The following RCAN1 variants were observed in gnomAD, a reference collection of about 807,000 sequenced individuals.
RCAN1 encodes the protein regulator of calcineurin 1, also known as calcipressin-1.
In RCAN1, 11 loss-of-function variants were observed where a neutral mutation model predicts 22.9. The observed-to-expected ratio is 0.48, with a 90% confidence interval of 0.30 to 0.79. The LOEUF (loss-of-function observed/expected upper bound fraction) is 0.79, where lower values mean the gene tolerates loss of function less well. Ranked by LOEUF, RCAN1 falls within the 30% of genes least tolerant of loss-of-function variation. RCAN1 has a pLI of 0.06. For missense variants in RCAN1, 291 were observed against 337.8 expected, an observed-to-expected ratio of 0.86 and a Z score of 1.09; for synonymous variants, 136 against 142.3, an observed-to-expected ratio of 0.96 and a Z score of 0.32.
At chr21:34,573,657 T>C (rs1166276799) in intron 1 of RCAN1, among the ~76,000 whole-genome samples, 2 of 152,204 alleles carry the variant, frequency 1.3e-5, no homozygotes, top group Non-Finnish European at 1.5e-5. Context: ...TGACTCGAGT[T>C]CACTGCTCCC....
At chr21:34,548,785 G>A (rs958312195) in intron 1 of RCAN1, among the ~76,000 whole-genome samples, 10 of 152,114 alleles carry the variant, frequency 6.6e-5, no homozygotes, top group Admixed American at 1.3e-4. Context: ...AAAATATGCC[G>A]GCAAAGGAAT....
chr21:34,578,887 C>T (rs1473073619), intron 1 of RCAN1, among the ~76,000 whole-genome samples: 2 of 152,014 alleles, frequency 1.3e-5, no homozygotes, highest in Non-Finnish European at 2.9e-5. Context: ...TTTCCCATCC[C>T]GACTCCAACA....
At chr21:34,556,344 T>G (rs1986571465) in intron 1 of RCAN1, among the ~76,000 whole-genome samples, 1 of 150,580 alleles carries the variant, frequency 6.6e-6, no homozygotes, top group Non-Finnish European at 1.5e-5. Flanking sequence ...GAGAATCGCT[T>G]GAGCCCAGGA....
intron 3 of RCAN1, among the ~76,000 whole-genome samples, chr21:34,520,003 A>G (rs1341532239): frequency 6.6e-6 from 1 of 152,140 alleles, no homozygotes; most frequent in Non-Finnish European, 1.5e-5. Context: ...CCTCTTACAA[A>G]TCTACCTCTT....
intron 1 of RCAN1, among the ~76,000 whole-genome samples, chr21:34,612,266 G>C (rs1398330275): frequency 1.3e-5 from 2 of 152,134 alleles, no homozygotes; most frequent in East Asian, 3.8e-4. Flanking sequence ...GGCCCCAGGG[G>C]GATGTTTTCT....
chr21:34,535,430 G>A (rs954234510), intron 1 of RCAN1, among the ~76,000 whole-genome samples: 3 of 151,138 alleles, frequency 2.0e-5, no homozygotes, highest in East Asian at 3.9e-4. Flanking sequence ...CTTTGAAGGT[G>A]TTAACCAGAA....
chr21:34,538,528 C>T (rs557063135), intron 1 of RCAN1, among the ~76,000 whole-genome samples: 27 of 152,292 alleles, frequency 1.8e-4, no homozygotes, highest in Admixed American at 1.6e-3. Context: ...GTACTGGCCG[C>T]TTCCAGACTC....
chr21:34,566,076 G>C (rs759556378), intron 1 of RCAN1, among the ~76,000 whole-genome samples: 2 of 152,208 alleles, frequency 1.3e-5, no homozygotes, highest in African/African-American at 4.8e-5. Context: ...CTAAGGGAAA[G>C]GGGCACTATT....
chr21:34,588,488 A>G (rs1329150134), intron 1 of RCAN1, among the ~76,000 whole-genome samples: 1 of 152,246 alleles, frequency 6.6e-6, no homozygotes, highest in African/African-American at 2.4e-5. Flanking sequence ...TATTGATTAT[A>G]CCTCATAGCC....
chr21:34,533,111 C>T (rs1050866735), intron 1 of RCAN1, among the ~76,000 whole-genome samples: 1 of 151,768 alleles, frequency 6.6e-6, no homozygotes, highest in Non-Finnish European at 1.5e-5. Context: ...CAGGTGCCCG[C>T]CACCACGCCC....
chr21:34,614,430 G>A lies in RCAN1; in HGVS notation c.252+330C>T. 9.9e-7 allele frequency: 1 copy of A among 1,005,746 alleles called. No homozygotes were observed. Among genetic ancestry groups the A allele is most frequent in the Non-Finnish European group, 1.2e-6 (1 of 843,570 alleles). 62.3% of individuals were successfully genotyped at this position (1,005,746 alleles called of 1,614,324 possible). Reference sequence around the variant, plus strand: ...CTCCAGCGAGTAAATGCGGGGCGATGGCGAGAGCGCAGGGGGCGGCGGCGC... The same window carrying A: ...CTCCAGCGAGTAAATGCGGGGCGATAGCGAGAGCGCAGGGGGCGGCGGCGC... On this transcript the variant is annotated intron_variant, in intron 1 of 3. Coordinates refer to ENST00000313806, the MANE Select transcript of RCAN1 (RefSeq NM_004414.7). The surrounding 1 kb of genome is among the most constrained non-coding windows in gnomAD (Gnocchi z 6.0).
At chr21:34,548,443 A>G (rs1404192269) in intron 1 of RCAN1, among the ~76,000 whole-genome samples, 2 of 152,218 alleles carry the variant, frequency 1.3e-5, no homozygotes, top group Non-Finnish European at 2.9e-5. Flanking sequence ...AAAGCTCTTC[A>G]GTGTCCTCTC....
chr21:34,586,651 A>G (rs2123705340), intron 1 of RCAN1, among the ~76,000 whole-genome samples: 1 of 152,326 alleles, frequency 6.6e-6, no homozygotes, highest in South Asian at 2.1e-4. Flanking sequence ...CAAGAGATTA[A>G]AGAAAGTAGA....
rs534224841 is a variant in RCAN1 at position 34,601,638 on chromosome 21, G to GA, written c.252+13121dup. 2.0e-4 allele frequency among the ~76,000 whole-genome samples: 30 copies of GA among 152,214 alleles called. No individual in the cohort carries two copies. In the South Asian group the frequency reaches 5.6e-3, roughly 28 times the overall value. ...TCGAGATCATCTTGGCTAACACGGTGAAACCCCATCTCTACTAAAAATACA... is the reference window on the plus strand; with the variant it reads ...TCGAGATCATCTTGGCTAACACGGTGAAAACCCCATCTCTACTAAAAATACA... On this transcript the variant is annotated intron_variant, in intron 1 of 3. Coordinates refer to ENST00000313806, the MANE Select transcript of RCAN1 (RefSeq NM_004414.7).
At chr21:34,578,637 G>A (rs1009706417) in intron 1 of RCAN1, among the ~76,000 whole-genome samples, 1 of 152,182 alleles carries the variant, frequency 6.6e-6, no homozygotes, top group Non-Finnish European at 1.5e-5. Context: ...ACCTGCCCAG[G>A]GAGGAAGAGA....
At chr21:34,573,085 A>C (rs913034720) in intron 1 of RCAN1, among the ~76,000 whole-genome samples, 1 of 152,192 alleles carries the variant, frequency 6.6e-6, no homozygotes, top group African/African-American at 2.4e-5. Context: ...TGTCAGCTAA[A>C]AATTCTGCAT....
At chr21:34,536,821 T>C (rs1486292482) in intron 1 of RCAN1, among the ~76,000 whole-genome samples, 1 of 152,226 alleles carries the variant, frequency 6.6e-6, no homozygotes. Flanking sequence ...TAAAGATCGT[T>C]TGTATCCACA....
At chr21:34,578,975 CAACA>C (rs1987510046) in intron 1 of RCAN1, among the ~76,000 whole-genome samples, 1 of 152,114 alleles carries the variant, frequency 6.6e-6, no homozygotes, top group Non-Finnish European at 1.5e-5. Context: ...ACAACACATA[CAACA>C]AACAGACAAA....
At chr21:34,579,946 C>T (rs943648099) in intron 1 of RCAN1, among the ~76,000 whole-genome samples, 1 of 152,134 alleles carries the variant, frequency 6.6e-6, no homozygotes, top group Non-Finnish European at 1.5e-5. Flanking sequence ...ATAGAAATAA[C>T]CACTGCTAAC....
Sources: allele counts gnomAD v4.1 joint callset (sites outside exome capture counted in the v4.1 genomes callset), GRCh38; gene constraint gnomAD v4.1.1; non-coding constraint Gnocchi (gnomAD v3.1); transcripts MANE v1.5; gene names NCBI Gene and HGNC (gene_info 2026-07-23, HGNC 2026-07-21).